Variants in RASEF observed in about 807,000 individuals in gnomAD.
RASEF encodes RAS and EF-hand domain containing, also known as ras and EF-hand domain-containing protein.
Under a neutral mutation model 90.1 loss-of-function variants are expected in RASEF, and 68 were observed. That is an observed-to-expected ratio of 0.75 (90% CI 0.62 to 0.92). The LOEUF is 0.92. RASEF is among the 40% of genes least tolerant of loss of function. The pLI, the probability that RASEF is intolerant of heterozygous loss-of-function variation, is 0.00. For synonymous variants in RASEF, 331 were observed against 345.2 expected, an observed-to-expected ratio of 0.96 and a Z score of 0.46; for missense variants, 949 against 937.2, an observed-to-expected ratio of 1.01 and a Z score of -0.16.
intron 5 of RASEF, among the ~76,000 whole-genome samples, chr9:83,010,269 C>T (rs558553308): frequency 3.3e-5 from 5 of 152,236 alleles, no homozygotes; most frequent in Admixed American, 1.3e-4. Context: ...TGGAGACATT[C>T]GTTCAAGATG....
rs1237670379 is a variant in RASEF at position 83,014,080 on chromosome 9, G to A, written c.766-1569C>T. On this transcript the variant is annotated intron_variant, in intron 4 of 16. Transcript: ENST00000376447. ...AAGATTTGGGAAGCCACAGAAATAA[G>A]TCAGGGCAGTGACTCAGTGAATTTG... Among the ~76,000 whole-genome samples, 3 of 152,302 alleles carry A rather than the reference G, an allele frequency of 2.0e-5. No individual in the cohort carries two copies. The East Asian group carries it at 5.8e-4, about 29-fold the overall frequency.
At chr9:83,203,750 G>A in the RASEF span, among the ~76,000 whole-genome samples, 3 of 152,126 alleles carry the variant, frequency 2.0e-5, no homozygotes, top group Admixed American at 2.0e-4. Flanking sequence ...GCTGGCTATG[G>A]GTGGGCACTC....
At chr9:83,134,719 C>T in the RASEF span, among the ~76,000 whole-genome samples, 8 of 152,056 alleles carry the variant, frequency 5.3e-5, no homozygotes, top group African/African-American at 1.4e-4. Context: ...ATATTAAACA[C>T]GGAGTTATCA....
chr9:82,994,675 A>G (rs887810607), intron 14 of RASEF, among the ~76,000 whole-genome samples: 7 of 152,214 alleles, frequency 4.6e-5, no homozygotes, highest in African/African-American at 1.4e-4. Context: ...AATGTGTTAA[A>G]ACTGGGAAGA....
chr9:83,067,140 A>G (rs1444173960), upstream of RASEF, among the ~76,000 whole-genome samples: 2 of 152,214 alleles, frequency 1.3e-5, no homozygotes, highest in African/African-American at 4.8e-5. Context: ...AGTGCTTCTC[A>G]GAGCATGACT....
Position 83,009,690 on chromosome 9 carries a change from A to T in RASEF, c.910T>A (p.Leu304Ile). The stretch of plus-strand genomic sequence containing the variant: ...GCATAATCACTTTTCAAAGCATCTA[A>T]CTCACTCTGAAGAAAGGCTATGTTT... Reference protein sequence around the residue: ...QTNIAFLQSELDALKSDYADQ... With the variant: ...QTNIAFLQSEIDALKSDYADQ... Residue 304 changes from leucine to isoleucine, a missense_variant, in exon 6 of 17, where the codon TTA (leucine) becomes ATA (isoleucine). Leu to Ile is a conservative substitution (Grantham distance 5). Transcript: ENST00000376447. 1 of 1,613,398 alleles carries T rather than the reference A, an allele frequency of 6.2e-7. No individual in the cohort carries two copies. Among genetic ancestry groups the T allele is most frequent in the Non-Finnish European group, 8.5e-7 (1 of 1,179,510 alleles).
chr9:83,096,105 A>G, the RASEF span, among the ~76,000 whole-genome samples: 2 of 152,314 alleles, frequency 1.3e-5, no homozygotes, highest in South Asian at 4.1e-4. Context: ...CAAGAATTGG[A>G]CAACTAGCTG....
chr9:83,079,564 A>G, the RASEF span, among the ~76,000 whole-genome samples: 1 of 152,202 alleles, frequency 6.6e-6, no homozygotes, highest in Non-Finnish European at 1.5e-5. Flanking sequence ...TCCATGACCC[A>G]AACGCCTCCC....
At chr9:83,016,888 T>C (rs924709494) in intron 3 of RASEF, among the ~76,000 whole-genome samples, 7 of 152,204 alleles carry the variant, frequency 4.6e-5, no homozygotes, top group Admixed American at 4.6e-4. Context: ...CTCCATTTTC[T>C]TTTTAACTAC....
the RASEF span, among the ~76,000 whole-genome samples, chr9:83,177,267 G>T: frequency 1.1e-4 from 17 of 152,020 alleles, no homozygotes; most frequent in African/African-American, 4.1e-4. Context: ...AGTAACTGTG[G>T]TTTTTCGCAA....
chr9:83,133,444 C>G, the RASEF span, among the ~76,000 whole-genome samples: 8 of 152,286 alleles, frequency 5.3e-5, no homozygotes, highest in African/African-American at 1.9e-4. Context: ...GGGATTATCA[C>G]TTACTGATTT....
At chr9:83,204,772 A>G in the RASEF span, among the ~76,000 whole-genome samples, 3 of 152,224 alleles carry the variant, frequency 2.0e-5, no homozygotes, top group East Asian at 5.8e-4. Flanking sequence ...CAATGATGAC[A>G]TGGGACTGTT....
the RASEF span, among the ~76,000 whole-genome samples, chr9:83,193,315 A>G: frequency 3.3e-5 from 5 of 152,236 alleles, no homozygotes; most frequent in South Asian, 1.0e-3. Flanking sequence ...GTGGGTTCAC[A>G]TCTTTGTCTA....
intron 1 of RASEF, among the ~76,000 whole-genome samples, chr9:83,036,628 T>C (rs1587512620): frequency 6.6e-6 from 1 of 152,168 alleles, no homozygotes; most frequent in African/African-American, 2.4e-5. Context: ...TCCAAATGGT[T>C]AACTGTCATA....
chr9:83,037,747 T>TTA (rs2118625701), intron 1 of RASEF, among the ~76,000 whole-genome samples: 1 of 143,684 alleles, frequency 7.0e-6, no homozygotes, highest in East Asian at 1.9e-4. Flanking sequence ...ATGTCCTATT[T>TTA]TTTTTTTTTT....
At chr9:83,055,312 G>C in intron 1 of RASEF, 1 of 376,340 alleles carries the variant, frequency 2.7e-6, no homozygotes, top group African/African-American at 2.2e-5. Context: ...GATTTTCCAG[G>C]TGCGTCCGTC....
chr9:83,005,925 G>A (rs943783427), intron 7 of RASEF, among the ~76,000 whole-genome samples: 1 of 152,320 alleles, frequency 6.6e-6, no homozygotes, highest in South Asian at 2.1e-4. Flanking sequence ...TCTATGCACA[G>A]CCTGGCACTG....
At chr9:83,211,852 G>A in the RASEF span, among the ~76,000 whole-genome samples, 6 of 152,202 alleles carry the variant, frequency 3.9e-5, no homozygotes, top group Non-Finnish European at 7.4e-5. Flanking sequence ...ACTTATAAAG[G>A]AACCCGTGGC....
At chr9:83,067,099 T>A (rs755465285), upstream of RASEF, among the ~76,000 whole-genome samples, 9 of 152,078 alleles carry the variant, frequency 5.9e-5, no homozygotes, top group Non-Finnish European at 8.8e-5. Context: ...CCTATTGTAA[T>A]CCACCCTGTA....
Sources: allele counts gnomAD v4.1 joint callset (sites outside exome capture counted in the v4.1 genomes callset), GRCh38; gene constraint gnomAD v4.1.1; transcripts MANE v1.5; gene names NCBI Gene and HGNC (gene_info 2026-07-23, HGNC 2026-07-21).